ITGAE: variants seen among roughly 807,000 people sequenced by gnomAD.
ITGAE encodes integrin subunit alpha E.
Under a neutral mutation model 136.5 loss-of-function variants are expected in ITGAE, and 99 were observed. The observed-to-expected ratio is 0.73, with a 90% CI of 0.62 to 0.86. The LOEUF (loss-of-function observed/expected upper bound fraction) is 0.86. Among genes scored for constraint, ITGAE ranks in the 40% least tolerant of loss-of-function variants. ITGAE has a pLI of 0.00. For synonymous variants in ITGAE, 613 were observed against 591.8 expected (o/e 1.04, Z -0.52); for missense variants, 1,447 against 1,515.3 (o/e 0.95, Z 0.75).
intron 28 of ITGAE, among the ~76,000 whole-genome samples, chr17:3,720,813 C>T (rs2051034685): frequency 6.6e-6 from 1 of 151,722 alleles, no homozygotes; most frequent in South Asian, 2.1e-4. Context: ...GAACTCCTGA[C>T]CTCAGATGAT....
chr17:3,723,892 A>G (rs751892769), intron 26 of ITGAE, 148 bp from the exon 27 acceptor site: 3 of 1,526,458 alleles, frequency 2.0e-6, no homozygotes, highest in African/African-American at 2.8e-5. Flanking sequence ...GTCGCACGGA[A>G]GTCTCGCGAT....
At chr17:3,753,245 AG>A in intron 14 of ITGAE, 44 bp downstream of exon 14, 1 of 1,590,916 alleles carries the variant, frequency 6.3e-7, no homozygotes, top group Non-Finnish European at 8.6e-7. Flanking sequence ...TGTCAGGCTG[AG>A]TGCCACAGCC....
intron 1 of ITGAE, among the ~76,000 whole-genome samples, chr17:3,780,906 G>C (rs1455433079): frequency 6.6e-6 from 1 of 151,942 alleles, no homozygotes; most frequent in African/African-American, 2.4e-5. Context: ...GTCTCACTAT[G>C]TTGCCCAGGC....
At chr17:3,772,912 G>C (rs561003406) in intron 2 of ITGAE, among the ~76,000 whole-genome samples, 2 of 152,208 alleles carry the variant, frequency 1.3e-5, no homozygotes, top group African/African-American at 2.4e-5. Flanking sequence ...CCCTCCACAC[G>C]GGGCAAGCAG....
intron 1 of ITGAE, among the ~76,000 whole-genome samples, chr17:3,780,408 C>A (rs2052639776): frequency 6.6e-6 from 1 of 152,098 alleles, no homozygotes; most frequent in Non-Finnish European, 1.5e-5. Flanking sequence ...CGTGATCCGC[C>A]CACCTCGGCC....
At position 3,753,420 on chromosome 17, in the gene ITGAE, T is replaced by A; in HGVS notation, c.1538A>T (p.Tyr513Phe). The A allele has an allele frequency of 6.2e-7, 1 of 1,613,762 alleles. No individual in the cohort carries two copies. Among genetic ancestry groups the A allele is most frequent in the Non-Finnish European group, 8.5e-7 (1 of 1,179,792 alleles). Residue 513 changes from tyrosine (Y) to phenylalanine (F), a missense_variant, in exon 14 of 31, where the codon TAT becomes TTT. Tyr to Phe is a conservative substitution (Grantham distance 22). Around this residue, in one of 3 missense-constraint regions of ITGAE, gnomAD observed 1,031 missense variants for 1,011.4 expected, o/e 1.02. Transcript: ENST00000263087. ...PVLEGEQMGS[Y>F]FGSELCPVDI... ...CACAGGGCACAGCTCAGAGCCAAAA[T>A]AGGACCCCATCTACAGCCCGGGAGG... is the stretch of plus-strand genomic sequence containing the variant.
chr17:3,729,312 T>C lies in ITGAE; in HGVS notation c.2912+166A>G, dbSNP rs1597306708. 21 of 609,082 alleles carry C rather than the reference T, an allele frequency of 3.4e-5. No individual in the cohort carries two copies. The East Asian group carries it at 5.9e-4, about 17-fold the overall frequency. 37.7% of individuals were successfully genotyped at this position (609,082 alleles called of 1,614,324 possible). A position where few individuals can be genotyped will look rare whatever the true frequency, so the allele number is the denominator to read the frequency against. On this transcript the variant is annotated intron_variant, in intron 24 of 30. Coordinates refer to ENST00000263087, the MANE Select transcript of ITGAE (RefSeq NM_002208.5). ...CAGTGGGGTTTCTGTGACCCAAATG[T>C]TAGCACCCTAGAGATCAATATCAGA... is the stretch of plus-strand genomic sequence containing the variant.
intron 1 of ITGAE, among the ~76,000 whole-genome samples, chr17:3,796,135 A>ATGTGTGTGCATCCGTGTGTG (rs1555528664): frequency 4.9e-5 from 1 of 20,414 alleles, no homozygotes; most frequent in South Asian, 9.4e-4. Context: ...GTGTGCATCC[A>ATGTGTGTGCATCCGTGTGTG]TGTGTGTGCA....
chr17:3,792,224 C>A (rs1021563021), intron 1 of ITGAE, among the ~76,000 whole-genome samples: 2 of 152,052 alleles, frequency 1.3e-5, no homozygotes, highest in Admixed American at 6.6e-5. Flanking sequence ...CGGGTTCAAG[C>A]GATTCTCCTG....
At chr17:3,734,708 G>C in intron 21 of ITGAE, 109 bp downstream of exon 21, 3 of 1,346,590 alleles carry the variant, frequency 2.2e-6, no homozygotes, top group African/African-American at 1.4e-5. Context: ...GGTTGGACCA[G>C]GAGGAGGCTG....
At chr17:3,751,607 T>C in intron 15 of ITGAE, 43 bp downstream of exon 15, 1 of 1,560,074 alleles carries the variant, frequency 6.4e-7, no homozygotes, top group Non-Finnish European at 8.8e-7. Context: ...CTGAGAGAGG[T>C]CAGAGCCCCA....
At chr17:3,768,545 GCTGTTCCCTCCACGGCA>G (rs1164371633) in intron 2 of ITGAE, among the ~76,000 whole-genome samples, 1 of 152,054 alleles carries the variant, frequency 6.6e-6, no homozygotes, top group Admixed American at 6.6e-5. Flanking sequence ...CCTCCACGGC[GCTGTTCCCTCCACGGCA>G]CTGTTCCCTC....
At chr17:3,731,050 G>T in intron 23 of ITGAE, 54 bp downstream of exon 23, 1 of 1,420,322 alleles carries the variant, frequency 7.0e-7, no homozygotes, top group Non-Finnish European at 9.9e-7. Context: ...ATGTGGCAGG[G>T]AGATGTCTTC....
chr17:3,724,371 C>A (rs970081914), intron 26 of ITGAE: 2 of 1,606,358 alleles, frequency 1.2e-6, no homozygotes, highest in Non-Finnish European at 1.7e-6. Flanking sequence ...CTCCGGCCGC[C>A]TCAGCCCGGA....
At chr17:3,792,813 C>T (rs143267978) in intron 1 of ITGAE, among the ~76,000 whole-genome samples, 2 of 152,264 alleles carry the variant, frequency 1.3e-5, no homozygotes, top group Admixed American at 6.5e-5. Flanking sequence ...GCGGTGTCCA[C>T]AAAATTCAAA....
chr17:3,750,033 C>T (rs1473222219), intron 16 of ITGAE, among the ~76,000 whole-genome samples: 1 of 151,972 alleles, frequency 6.6e-6, no homozygotes, highest in East Asian at 1.9e-4. Context: ...AAACAAAAAA[C>T]AAAAAACTCT....
At chr17:3,741,963 G>C (rs1047166871) in intron 19 of ITGAE, among the ~76,000 whole-genome samples, 3 of 152,176 alleles carry the variant, frequency 2.0e-5, no homozygotes, top group African/African-American at 7.2e-5. Context: ...TGTAATCCCA[G>C]CTACTCGGGA....
intron 1 of ITGAE, among the ~76,000 whole-genome samples, chr17:3,781,680 C>T (rs903511008): frequency 6.6e-6 from 1 of 152,162 alleles, no homozygotes. Flanking sequence ...TATGTTCGAA[C>T]CTTTTGTCCA....
intron 21 of ITGAE, among the ~76,000 whole-genome samples, chr17:3,734,164 G>A (rs555790914): frequency 4.1e-4 from 62 of 152,250 alleles, no homozygotes; most frequent in African/African-American, 1.3e-3. Flanking sequence ...TCCGCCTCCC[G>A]GGTTCACGCC....
Sources: gnomAD v4.1 joint callset for allele counts (sites outside exome capture counted in the v4.1 genomes callset) on GRCh38, gnomAD v4.1.1 for gene constraint, gnomAD v4.1.1 regional missense constraint, MANE v1.5 for transcripts, NCBI Gene and HGNC (gene_info 2026-07-23, HGNC 2026-07-21) for gene names.